The following COL22A1 variants were observed in gnomAD, a reference collection of about 807,000 sequenced individuals.
COL22A1 encodes the protein collagen alpha-1(XXII) chain.
COL22A1 carries 221 observed loss-of-function variants against 248.9 expected under a neutral mutation model. The ratio of observed to expected loss-of-function variants is 0.89; its 90% CI spans 0.80 to 0.99. The LOEUF (loss-of-function observed/expected upper bound fraction) is 0.99, where lower values mean the gene tolerates loss of function less well. COL22A1 is among the 50% of genes least tolerant of loss of function. The pLI is 0.00. For missense variants in COL22A1, 2,240 were observed against 2,179.0 expected, an observed-to-expected ratio of 1.03 and a Z score of -0.56; for synonymous variants, 891 against 793.4, an observed-to-expected ratio of 1.12 and a Z score of -2.07.
In COL22A1 at chr8:138,803,009, G is replaced by T. The variant is rs113030874; in HGVS notation, c.1495-75C>A. ...GCTCTTGCACACACAGGACCCTCAC[G>T]GCCAACCTTGCTCCAATTCCCTAGA... On this transcript the variant is annotated intron_variant, in intron 10 of 64. Transcript: ENST00000303045. 4 of 1,169,668 alleles carry T rather than the reference G, an allele frequency of 3.4e-6. No homozygotes were observed. In the South Asian group the frequency reaches 3.6e-5, roughly 11 times the overall value. The allele number at this position is 1,169,668 out of a possible 1,614,324, so 72.5% of individuals were successfully genotyped here.
intron 30 of COL22A1, among the ~76,000 whole-genome samples, chr8:138,712,267 G>A (rs1347198648): frequency 6.6e-6 from 1 of 152,212 alleles, no homozygotes; most frequent in Admixed American, 6.5e-5. Context: ...CAAGAATGGT[G>A]CTCTTTCTAC....
chr8:138,755,035 C>T (rs1832880220), intron 21 of COL22A1, 122 bp downstream of exon 21: 2 of 946,914 alleles, frequency 2.1e-6, no homozygotes, highest in African/African-American at 3.3e-5. Flanking sequence ...ACAACCCACT[C>T]AGGTGATGTG....
intron 44 of COL22A1, among the ~76,000 whole-genome samples, chr8:138,659,579 T>A (rs1463523590): frequency 6.6e-6 from 1 of 152,156 alleles, no homozygotes; most frequent in Non-Finnish European, 1.5e-5. Flanking sequence ...TCTCTCTCCA[T>A]CCGCACAGCT....
chr8:138,731,114 C>A (rs1428391344), intron 23 of COL22A1, among the ~76,000 whole-genome samples: 1 of 151,992 alleles, frequency 6.6e-6, no homozygotes, highest in South Asian at 2.1e-4. Context: ...CCAGCCTGGC[C>A]AACATGGAGA....
At chr8:138,648,535 T>A (rs531159729) in intron 46 of COL22A1, among the ~76,000 whole-genome samples, 1 of 152,330 alleles carries the variant, frequency 6.6e-6, no homozygotes, top group Non-Finnish European at 1.5e-5. Context: ...GTCAGTTCTT[T>A]ATCTGTCTCT....
intron 3 of COL22A1, among the ~76,000 whole-genome samples, chr8:138,871,957 C>T (rs1018636622): frequency 5.3e-5 from 8 of 152,254 alleles, no homozygotes; most frequent in Admixed American, 2.0e-4. Context: ...ATCAGTACAC[C>T]TACCAGACTA....
intron 23 of COL22A1, among the ~76,000 whole-genome samples, chr8:138,734,567 A>G (rs1431149043): frequency 2.0e-5 from 3 of 152,202 alleles, no homozygotes; most frequent in Non-Finnish European, 2.9e-5. Context: ...ACGCTTTTAC[A>G]CTGTTGGTGG....
chr8:138,774,129 C>T (rs1563745517), intron 16 of COL22A1, among the ~76,000 whole-genome samples: 1 of 151,882 alleles, frequency 6.6e-6, no homozygotes, highest in Non-Finnish European at 1.5e-5. Flanking sequence ...TGAAAGCTCT[C>T]GGAAGAGGTA....
chr8:138,644,273 T>G (rs965486713), intron 47 of COL22A1, among the ~76,000 whole-genome samples: 6 of 152,200 alleles, frequency 3.9e-5, no homozygotes, highest in African/African-American at 1.4e-4. Flanking sequence ...ATGAAATGAT[T>G]GCATTACTTT....
At chr8:138,884,740 G>A (rs1449061028) in intron 1 of COL22A1, among the ~76,000 whole-genome samples, 1 of 152,150 alleles carries the variant, frequency 6.6e-6, no homozygotes, top group Non-Finnish European at 1.5e-5. Context: ...AGGGCTAGGA[G>A]GGGTTAGCCA....
chr8:138,859,548 G>A (rs1003121326), intron 3 of COL22A1, among the ~76,000 whole-genome samples: 2 of 152,166 alleles, frequency 1.3e-5, no homozygotes, highest in Admixed American at 6.5e-5. Flanking sequence ...GGCATCTGGT[G>A]CGGCCTTCCC....
At chr8:138,619,533 GT>G (rs764835937) in intron 52 of COL22A1, 25 bp from the exon 53 acceptor site, 78 of 1,607,276 alleles carry the variant, frequency 4.9e-5, no homozygotes, top group Non-Finnish European at 6.2e-5. Context: ...GAAAAGAAGA[GT>G]TTGAGGACAA....
chr8:138,794,255 T>G (rs1309140807), intron 12 of COL22A1, among the ~76,000 whole-genome samples: 2 of 152,034 alleles, frequency 1.3e-5, no homozygotes, highest in African/African-American at 4.8e-5. Flanking sequence ...AGCATGGTGA[T>G]GCACGCCTGT....
intron 53 of COL22A1, 32 bp from the exon 54 acceptor site, chr8:138,616,990 T>C (rs757224610): frequency 5.6e-6 from 9 of 1,613,634 alleles, no homozygotes; most frequent in African/African-American, 2.7e-5. Flanking sequence ...TATTCCATGA[T>C]AGAGCAGGCT....
chr8:138,821,164 T>C lies in COL22A1; in HGVS notation c.1217A>G (p.Lys406Arg), dbSNP rs764247345. The C allele has an allele frequency of 1.2e-5, 20 of 1,613,994 alleles. No individual in the cohort carries two copies. The highest frequency in any genetic ancestry group is 1.6e-5 in the Non-Finnish European group (19 of 1,179,982). ...IDIQGKTVIGKRLYDSVPIDF... is the reference protein window; with the variant it reads ...IDIQGKTVIGRRLYDSVPIDF... ...AATGGGCACACTGTCGTAGAGGCGCTTGCCAATCACAGTCTTGCCCTGGAT... is the reference window on the plus strand; with the variant it reads ...AATGGGCACACTGTCGTAGAGGCGCCTGCCAATCACAGTCTTGCCCTGGAT... The change falls in exon 7 of 65, where the codon AAG becomes AGG. Residue 406 changes from lysine to arginine, a missense_variant. Physicochemically the swap from Lys to Arg is conservative, Grantham distance 26. Coordinates refer to ENST00000303045, the MANE Select transcript of COL22A1 (RefSeq NM_152888.3).
chr8:138,901,403 A>G (rs985240422), intron 1 of COL22A1, among the ~76,000 whole-genome samples: 5 of 126,040 alleles, frequency 4.0e-5, no homozygotes, highest in African/African-American at 1.5e-4. Context: ...CTCTCACTCT[A>G]TCCCCTAGGC....
intron 10 of COL22A1, among the ~76,000 whole-genome samples, chr8:138,803,287 C>G (rs904988085): frequency 6.6e-6 from 1 of 152,158 alleles, no homozygotes; most frequent in Non-Finnish European, 1.5e-5. Context: ...CAGGAGCACA[C>G]CATTACTGTC....
At chr8:138,734,399 A>G (rs564444391) in intron 23 of COL22A1, among the ~76,000 whole-genome samples, 1 of 152,356 alleles carries the variant, frequency 6.6e-6, no homozygotes, top group African/African-American at 2.4e-5. Context: ...TGTTGAATGA[A>G]TAAATCCATG....
At chr8:138,873,376 G>A (rs1823485501) in intron 3 of COL22A1, among the ~76,000 whole-genome samples, 1 of 152,034 alleles carries the variant, frequency 6.6e-6, no homozygotes, top group Non-Finnish European at 1.5e-5. Context: ...ACAGATCATT[G>A]CCCATGAACT....
Sources: allele counts gnomAD v4.1 joint callset (sites outside exome capture counted in the v4.1 genomes callset), GRCh38; gene constraint gnomAD v4.1.1; transcripts MANE v1.5; gene names NCBI Gene and HGNC (gene_info 2026-07-23, HGNC 2026-07-21).